LRP2: variants seen among roughly 807,000 people sequenced by gnomAD.
LRP2 encodes the protein LDL receptor related protein 2, also known as low-density lipoprotein receptor-related protein 2.
A neutral mutation model predicts 531.0 loss-of-function variants in LRP2; 172 were observed. That is an observed-to-expected ratio of 0.32 (90% CI 0.29 to 0.37). The LOEUF is 0.37. LRP2 is among the 10% of genes least tolerant of loss of function. The probability of loss-of-function intolerance (pLI) is 1.00; values close to 1 mark genes in which losing one functional copy is unlikely to be tolerated. For synonymous variants in LRP2, 1,992 were observed against 2,027.6 expected, an observed-to-expected ratio of 0.98 and a Z score of 0.47; for missense variants, 5,167 against 5,868.3, an observed-to-expected ratio of 0.88 and a Z score of 3.90.
rs756633506 is a variant in LRP2 at position 169,244,966 on chromosome 2, T to G, written c.3191-34A>C. On this transcript the variant is annotated intron_variant, in intron 21 of 78. Coordinates refer to ENST00000649046, the MANE Select transcript of LRP2 (RefSeq NM_004525.3). ...GTAACAAACTGGTCATGAAGACATT[T>G]GTTTTTACAGCCTTTTAAATGAGTT... The G allele has an allele frequency of 1.8e-5, 29 of 1,613,776 alleles. 1 individual carries two copies. Among genetic ancestry groups the G allele is most frequent in the South Asian group, 1.6e-4 (15 of 91,020 alleles).
chr2:169,205,709 C>A lies in LRP2; in HGVS notation c.7557-72G>T, dbSNP rs940234114. 114 of 1,297,754 alleles carry A rather than the reference C, an allele frequency of 8.8e-5. 1 individual carries two copies. The highest frequency in any genetic ancestry group is 4.0e-4 in the South Asian group (33 of 83,418). 80.4% of individuals were successfully genotyped at this position (1,297,754 alleles called of 1,614,324 possible). A position where few individuals can be genotyped will look rare whatever the true frequency, so the allele number is the denominator to read the frequency against. ...AGTCCTTTAAAAAAAAAAAAAAGGACAATATTCTTTAATTGCAAATTGCCA... is the reference window on the plus strand; with the variant it reads ...AGTCCTTTAAAAAAAAAAAAAAGGAAAATATTCTTTAATTGCAAATTGCCA... On this transcript the variant is annotated intron_variant, in intron 40 of 78. Coordinates refer to ENST00000649046, the MANE Select transcript of LRP2 (RefSeq NM_004525.3).
rs1255037949 is a variant in LRP2, at chr2:169,280,535, G to A, written c.1172-16C>T. ...GCCTCGCCAACTAAATGCGAAGAAG[G>A]AAGGCATCACCACTCCTTCAGATGA... is the stretch of plus-strand genomic sequence containing the variant. On this transcript the variant is annotated splice_polypyrimidine_tract_variant and intron_variant, in intron 10 of 78. Transcript: ENST00000649046. 6.2e-7 allele frequency: 1 copy of A among 1,613,570 alleles called. No homozygotes were observed. Among genetic ancestry groups the A allele is most frequent in the Admixed American group, 1.7e-5 (1 of 59,966 alleles).
chr2:169,256,292 TACAC>T, intron 18 of LRP2, 56 bp from the exon 19 acceptor site: 1 of 1,498,282 alleles, frequency 6.7e-7, no homozygotes, highest in Non-Finnish European at 9.3e-7. Flanking sequence ...GAGCACCCTT[TACAC>T]AAAGGGCATC....
chr2:169,192,046 C>T lies in LRP2; in HGVS notation c.8831-13G>A, dbSNP rs144717648. The T allele has an allele frequency of 3.6e-4, 572 of 1,606,284 alleles. 2 individuals carry two copies. In the African/African-American group the frequency reaches 7.3e-3, roughly 21 times the overall value. On this transcript the variant is annotated splice_polypyrimidine_tract_variant and intron_variant, in intron 47 of 78. Coordinates refer to ENST00000649046, the MANE Select transcript of LRP2 (RefSeq NM_004525.3). Reference sequence around the variant, plus strand: ...CAGTTTTGATTCTCTGAAACCAAAGCACGCAAGAATCAGAAAGCATGAGAG... The same window carrying T: ...CAGTTTTGATTCTCTGAAACCAAAGTACGCAAGAATCAGAAAGCATGAGAG...
chr2:169,162,381 A>G, intron 63 of LRP2, 91 bp downstream of exon 63: 1 of 1,444,662 alleles, frequency 6.9e-7, no homozygotes, highest in African/African-American at 1.4e-5. Context: ...TAAGGAGAAA[A>G]TGTGGTCAGT....
rs1559034838 is a variant in LRP2, at chr2:169,239,792, G to A, written c.4046-17C>T. ...TGTTCCCATCTAGAAAAAAGAAAGA[G>A]AATAATGAAAAAAGAAAATCAAGAA... On this transcript the variant is annotated splice_polypyrimidine_tract_variant and intron_variant, in intron 25 of 78. Transcript: ENST00000649046. 1 of 1,607,614 alleles carries A rather than the reference G, an allele frequency of 6.2e-7. No individual in the cohort carries two copies. The highest frequency in any genetic ancestry group is 8.5e-7 in the Non-Finnish European group (1 of 1,174,324).
intron 65 of LRP2, 94 bp downstream of exon 65, chr2:169,156,180 A>T (rs766939621): frequency 2.3e-5 from 36 of 1,545,780 alleles, no homozygotes; most frequent in Non-Finnish European, 3.0e-5. Context: ...GAAAAGAAAA[A>T]CTATGAGAAG....
At position 169,291,144 on chromosome 2, in the gene LRP2, A is replaced by C. The variant is rs565172878; in HGVS notation, c.770-147T>G. The C allele has an allele frequency of 7.2e-6, 5 of 695,394 alleles. No individual in the cohort carries two copies. In the Admixed American group the frequency reaches 1.4e-4, roughly 20 times the overall value. 43.1% of individuals were successfully genotyped at this position (695,394 alleles called of 1,614,324 possible). On this transcript the variant is annotated intron_variant, in intron 7 of 78. Transcript: ENST00000649046. ...TTTTACAATAAGTTAGTGATTTCTA[A>C]CTCTACCACTAGTCTTTTACTGAGA...
intron 1 of LRP2, among the ~76,000 whole-genome samples, chr2:169,350,531 C>T (rs1383614125): frequency 2.0e-5 from 3 of 151,906 alleles, no homozygotes; most frequent in Admixed American, 2.0e-4. Flanking sequence ...TGAGACCAGC[C>T]TGACCAGCAT....
rs201948239 is a variant in LRP2 at position 169,238,211 on chromosome 2, G to A, written c.4386C>T (p.Val1462=). ...TSQVHNIYSL[V]ENGSYIVAVD... ...CAGCTACAATGTAAGAACCATTCTC[G>A]ACCAATGAATAGATATTGTGGACCT... Residue 1462 remains valine, a synonymous_variant, in exon 27 of 79, where the codon GTC becomes GTT. Transcript: ENST00000649046. 61 of 1,614,024 alleles carry A rather than the reference G, an allele frequency of 3.8e-5. No individual in the cohort carries two copies. The Admixed American group carries it at 9.0e-4, about 24-fold the overall frequency.
At chr2:169,314,200 T>A (rs1684697287) in intron 3 of LRP2, among the ~76,000 whole-genome samples, 1 of 151,234 alleles carries the variant, frequency 6.6e-6, no homozygotes, top group Non-Finnish European at 1.5e-5. Context: ...AATTCAAGAC[T>A]AGCCTGGGCA....
intron 2 of LRP2, among the ~76,000 whole-genome samples, chr2:169,319,873 C>T (rs1331548335): frequency 6.6e-6 from 1 of 152,238 alleles, no homozygotes; most frequent in East Asian, 1.9e-4. Context: ...CATCCTTACC[C>T]TTCCTCCCAT....
At chr2:169,178,395 C>T (rs1267286014) in intron 52 of LRP2, among the ~76,000 whole-genome samples, 1 of 152,102 alleles carries the variant, frequency 6.6e-6, no homozygotes, top group East Asian at 1.9e-4. Context: ...CTGGGGTGAA[C>T]ACCATTCTTG....
chr2:169,320,561 C>G (rs933865276), intron 2 of LRP2, among the ~76,000 whole-genome samples: 1 of 152,184 alleles, frequency 6.6e-6, no homozygotes, highest in Non-Finnish European at 1.5e-5. Context: ...AACTGATGCT[C>G]TATCATCAAT....
Position 169,162,580 on chromosome 2 carries a change from G to C in LRP2, c.11779C>G (p.Pro3927Ala), listed in dbSNP as rs1182114073. 6.2e-7 allele frequency: 1 copy of C among 1,614,114 alleles called. No individual in the cohort carries two copies. Among genetic ancestry groups the C allele is most frequent in the East Asian group, 2.2e-5 (1 of 44,882 alleles). The part of the protein sequence containing the change: ...EEHCRKPTPK[P>A]CTEYEYKCGN... Reference sequence around the variant, plus strand: ...CACTTATATTCATATTCTGTACAAGGTTTAGGGGTCGGTTTTCTACCTGCA... The same window carrying C: ...CACTTATATTCATATTCTGTACAAGCTTTAGGGGTCGGTTTTCTACCTGCA... Residue 3927 changes from proline (P) to alanine (A), a missense_variant, in exon 63 of 79, where the codon CCT becomes GCT. Physicochemically the swap from Pro to Ala is conservative, Grantham distance 27. Coordinates refer to ENST00000649046, the MANE Select transcript of LRP2 (RefSeq NM_004525.3).
At chr2:169,340,809 A>C (rs2105557569) in intron 1 of LRP2, among the ~76,000 whole-genome samples, 2 of 152,306 alleles carry the variant, frequency 1.3e-5, no homozygotes, top group South Asian at 4.1e-4. Context: ...CCCAGAGTAG[A>C]GCATGCCTAT....
chr2:169,228,062 G>C (rs1689264570), intron 31 of LRP2, among the ~76,000 whole-genome samples: 1 of 152,074 alleles, frequency 6.6e-6, no homozygotes, highest in African/African-American at 2.4e-5. Flanking sequence ...GCGCCATACT[G>C]CATGCATCAG....
chr2:169,227,011 C>T (rs928895334), intron 31 of LRP2, among the ~76,000 whole-genome samples: 5 of 151,702 alleles, frequency 3.3e-5, no homozygotes, highest in African/African-American at 9.7e-5. Flanking sequence ...TGAGACTATT[C>T]TTGTGAAAGG....
chr2:169,335,123 G>C (rs1192123293), intron 1 of LRP2, among the ~76,000 whole-genome samples: 1 of 152,176 alleles, frequency 6.6e-6, no homozygotes, highest in Non-Finnish European at 1.5e-5. Context: ...GGTCAAACTA[G>C]AGTCAAAAGC....
Sources: gnomAD v4.1 joint callset for allele counts (sites outside exome capture counted in the v4.1 genomes callset) on GRCh38, gnomAD v4.1.1 for gene constraint, MANE v1.5 for transcripts, NCBI Gene and HGNC (gene_info 2026-07-23, HGNC 2026-07-21) for gene names.